Variants in PTPRK observed in about 807,000 individuals in gnomAD.
PTPRK encodes protein tyrosine phosphatase receptor type K, also known as receptor-type tyrosine-protein phosphatase kappa.
In PTPRK, 75 loss-of-function variants were observed where a neutral mutation model predicts 178.0. That is an observed-to-expected ratio of 0.42 (90% confidence interval 0.35 to 0.51). The LOEUF (loss-of-function observed/expected upper bound fraction) is 0.51, where lower values mean the gene tolerates loss of function less well. PTPRK is among the 20% of genes least tolerant of loss of function. The pLI is 0.02. For missense variants in PTPRK, 1,441 were observed against 1,797.8 expected, an observed-to-expected ratio of 0.80 and a Z score of 3.59; for synonymous variants, 637 against 620.6, an observed-to-expected ratio of 1.03 and a Z score of -0.39.
At chr6:128,099,356 A>C (rs759812449) in intron 7 of PTPRK, among the ~76,000 whole-genome samples, 1 of 151,966 alleles carries the variant, frequency 6.6e-6, no homozygotes, top group Non-Finnish European at 1.5e-5. Context: ...ACTAGTTAAT[A>C]AAATGCTAAG....
intron 1 of PTPRK, among the ~76,000 whole-genome samples, chr6:128,520,027 G>T (rs1858781065): frequency 6.6e-6 from 1 of 152,108 alleles, no homozygotes; most frequent in African/African-American, 2.4e-5. Flanking sequence ...CACACTCTCC[G>T]GCTAGACCGT....
intron 6 of PTPRK, among the ~76,000 whole-genome samples, chr6:128,209,888 G>A (rs1446750457): frequency 1.3e-5 from 2 of 152,138 alleles, no homozygotes; most frequent in Admixed American, 1.3e-4. Context: ...TGAAGGGGGT[G>A]AGCCCAGCTA....
chr6:128,320,232 T>C lies in PTPRK; in HGVS notation c.495+1807A>G, dbSNP rs74922304. On this transcript the variant is annotated intron_variant, in intron 3 of 29. Transcript: ENST00000368226. ...ACTGAACAAAGAATTATTAATCCAG[T>C]TCAAATTACTGTAACTTAATAGTAG... Among the ~76,000 whole-genome samples, 521 of 152,286 alleles carry C rather than the reference T, an allele frequency of 3.4e-3. 3 individuals are homozygous for C. Among genetic ancestry groups the C allele is most frequent in the African/African-American group, 0.012 (498 of 41,568 alleles).
At chr6:128,475,968 A>G (rs1199668577) in intron 1 of PTPRK, among the ~76,000 whole-genome samples, 1 of 152,104 alleles carries the variant, frequency 6.6e-6, no homozygotes, top group Non-Finnish European at 1.5e-5. Context: ...GTAGCATTCT[A>G]CTAAGTCTTT....
chr6:128,180,023 A>T (rs539969138), intron 7 of PTPRK, among the ~76,000 whole-genome samples: 12 of 152,148 alleles, frequency 7.9e-5, no homozygotes, highest in Admixed American at 7.2e-4. Flanking sequence ...AGTTTTCCCA[A>T]CTGCATAAAT....
chr6:128,481,833 A>G (rs899046502), intron 1 of PTPRK, among the ~76,000 whole-genome samples: 5 of 152,102 alleles, frequency 3.3e-5, no homozygotes, highest in African/African-American at 1.2e-4. Context: ...ATTGGGTCTT[A>G]TAGGTCTTTT....
chr6:128,441,717 T>C (rs2128400611), intron 1 of PTPRK, among the ~76,000 whole-genome samples: 1 of 152,126 alleles, frequency 6.6e-6, no homozygotes, highest in South Asian at 2.1e-4. Flanking sequence ...CTTCTAAGAG[T>C]CAACCAAAAG....
intron 1 of PTPRK, among the ~76,000 whole-genome samples, chr6:128,437,660 G>A (rs1411807043): frequency 1.3e-5 from 2 of 152,210 alleles, no homozygotes; most frequent in East Asian, 1.9e-4. Context: ...GGAGGAGAGT[G>A]TAGAATAAAG....
intron 21 of PTPRK, among the ~76,000 whole-genome samples, chr6:127,986,097 A>C (rs1250098811): frequency 6.6e-6 from 1 of 152,188 alleles, no homozygotes; most frequent in Non-Finnish European, 1.5e-5. Flanking sequence ...AGAAAATTAT[A>C]AGTCTTGCTC....
chr6:127,972,239 T>G (rs1368581571), intron 29 of PTPRK, among the ~76,000 whole-genome samples: 1 of 152,228 alleles, frequency 6.6e-6, no homozygotes, highest in Non-Finnish European at 1.5e-5. Flanking sequence ...TTGATAAATG[T>G]AGGGCAAGCA....
intron 1 of PTPRK, among the ~76,000 whole-genome samples, chr6:128,456,861 G>A (rs1848460591): frequency 6.6e-6 from 1 of 152,022 alleles, no homozygotes; most frequent in African/African-American, 2.4e-5. Context: ...TTCATGTGTG[G>A]TTTTATAATT....
intron 2 of PTPRK, among the ~76,000 whole-genome samples, chr6:128,376,865 T>C (rs1473920758): frequency 4.6e-5 from 7 of 152,190 alleles, no homozygotes; most frequent in African/African-American, 1.7e-4. Flanking sequence ...CTTTTGCTAA[T>C]ACGTAACAAG....
At position 128,082,997 on chromosome 6, in the gene PTPRK, A is replaced by G. The variant is rs558959502; in HGVS notation, c.1576-359T>C. Among the ~76,000 whole-genome samples the G allele has an allele frequency of 1.7e-4, 26 of 152,234 alleles. 2 individuals are homozygous for G. Among genetic ancestry groups the G allele is most frequent in the African/African-American group, 6.3e-4 (26 of 41,568 alleles). The stretch of plus-strand genomic sequence containing the variant: ...TCAACAAATTTTTATTATTATTAAC[A>G]TATTCTGTACTTTGTTCAAGTTATA... On this transcript the variant is annotated intron_variant, in intron 9 of 29. Coordinates refer to ENST00000368226, the MANE Select transcript of PTPRK (RefSeq NM_002844.4).
At chr6:128,187,382 T>C (rs1230341716) in intron 6 of PTPRK, among the ~76,000 whole-genome samples, 2 of 152,122 alleles carry the variant, frequency 1.3e-5, no homozygotes, top group African/African-American at 2.4e-5. Context: ...GGAAACCTAA[T>C]ATGAAAAAAA....
chr6:128,264,007 G>A (rs1224264532), intron 3 of PTPRK, among the ~76,000 whole-genome samples: 6 of 151,196 alleles, frequency 4.0e-5, no homozygotes, highest in Middle Eastern at 3.4e-3. Context: ...TTGGTATGAA[G>A]CAGACTACTA....
chr6:128,355,872 A>C (rs1412714484), intron 2 of PTPRK, among the ~76,000 whole-genome samples: 1 of 152,200 alleles, frequency 6.6e-6, no homozygotes, highest in East Asian at 1.9e-4. Context: ...ACACATAAAC[A>C]TATTTTCTAC....
At chr6:128,472,156 A>G (rs1249123411) in intron 1 of PTPRK, among the ~76,000 whole-genome samples, 1 of 152,068 alleles carries the variant, frequency 6.6e-6, no homozygotes, top group Non-Finnish European at 1.5e-5. Flanking sequence ...GCCAAGTGAA[A>G]TCAGGTGATT....
At chr6:128,382,224 C>T (rs1838031494) in intron 2 of PTPRK, among the ~76,000 whole-genome samples, 1 of 149,374 alleles carries the variant, frequency 6.7e-6, no homozygotes, top group African/African-American at 2.5e-5. Context: ...GTGCTAGTAC[C>T]AAAATGGTTT....
At chr6:128,189,235 C>CTTTTTTTTTTTTTTTTTTTTTTTTTT in intron 6 of PTPRK, among the ~76,000 whole-genome samples, 1 of 67,466 alleles carries the variant, frequency 1.5e-5, no homozygotes, top group Non-Finnish European at 2.6e-5. Flanking sequence ...TACTCTTTTT[C>CTTTTTTTTTTTTTTTTTTTTTTTTTT]TTTTTTTTTT....
Sources: allele counts gnomAD v4.1 joint callset (sites outside exome capture counted in the v4.1 genomes callset), GRCh38; gene constraint gnomAD v4.1.1; transcripts MANE v1.5; gene names NCBI Gene and HGNC (gene_info 2026-07-23, HGNC 2026-07-21).